The following UTP20 variants were observed in gnomAD, a reference collection of about 807,000 sequenced individuals.
UTP20 encodes the protein UTP20 small subunit processome component, also known as small subunit processome component 20 homolog.
UTP20 carries 164 observed loss-of-function variants against 329.5 expected under a neutral mutation model. The observed-to-expected ratio is 0.50, with a 90% CI of 0.44 to 0.57. The LOEUF is 0.57. Ranked by LOEUF, UTP20 falls within the 20% of genes least tolerant of loss-of-function variation. The probability of loss-of-function intolerance (pLI) is 0.00; values close to 1 mark genes in which losing one functional copy is unlikely to be tolerated. For missense variants in UTP20, 3,055 were observed against 3,284.2 expected (o/e 0.93, Z 1.71); for synonymous variants, 1,151 against 1,159.3 (o/e 0.99, Z 0.14).
In UTP20 at chr12:101,373,654, G is replaced by A; in HGVS notation, c.7018G>A (p.Ala2340Thr). ...LCLMTINDDSATCKKMASMTI... is the reference protein window; with the variant it reads ...LCLMTINDDSTTCKKMASMTI... Reference sequence around the variant, plus strand: ...TCTAATGACGATCAATGATGACTCTGCCACGTGCAAAAAGATGGCATCCAT... The same window carrying A: ...TCTAATGACGATCAATGATGACTCTACCACGTGCAAAAAGATGGCATCCAT... The change falls in exon 54 of 62, where the codon GCC (alanine) becomes ACC (threonine). Residue 2340 changes from alanine (A) to threonine (T), a missense_variant. Physicochemically the swap from Ala to Thr is moderately conservative, Grantham distance 58. Coordinates refer to ENST00000261637, the MANE Select transcript of UTP20 (RefSeq NM_014503.3). 1.2e-6 allele frequency: 2 copies of A among 1,613,118 alleles called. No homozygotes were observed. Among genetic ancestry groups the A allele is most frequent in the South Asian group, 2.2e-5 (2 of 90,716 alleles).
chr12:101,346,113 G>A (rs1034973494), intron 37 of UTP20, among the ~76,000 whole-genome samples: 1 of 151,818 alleles, frequency 6.6e-6, no homozygotes, highest in Non-Finnish European at 1.5e-5. Context: ...GTGCAATGGC[G>A]CAATCTCAGC....
rs1046384546 is a variant in UTP20, at chr12:101,329,110, G to A, written c.3209-131G>A. 30 of 788,870 alleles carry A rather than the reference G, an allele frequency of 3.8e-5. No homozygotes were observed. In the African/African-American group the frequency reaches 4.2e-4, roughly 11 times the overall value. 48.9% of individuals were successfully genotyped at this position (788,870 alleles called of 1,614,324 possible). A position where few individuals can be genotyped will look rare whatever the true frequency, so the allele number is the denominator to read the frequency against. ...AGATAATACATAAGAAAAGTGCATT[G>A]TCATCTATAAATTACCATGACAGTA... is the stretch of plus-strand genomic sequence containing the variant. On this transcript the variant is annotated intron_variant, in intron 26 of 61. Coordinates refer to ENST00000261637, the MANE Select transcript of UTP20 (RefSeq NM_014503.3).
At chr12:101,293,460 A>G (rs1872240127) in intron 11 of UTP20, among the ~76,000 whole-genome samples, 1 of 152,176 alleles carries the variant, frequency 6.6e-6, no homozygotes, top group African/African-American at 2.4e-5. Flanking sequence ...CGTGTGGTAA[A>G]ATTGAAAAAA....
rs1870844998 is a variant in UTP20 at position 101,386,608 on chromosome 12, A to G, written c.*485A>G. 6.6e-6 allele frequency: 1 copy of G among 152,286 alleles called. No individual in the cohort carries two copies. The highest frequency in any genetic ancestry group is 2.4e-5 in the African/African-American group (1 of 41,470). 9.4% of individuals were successfully genotyped at this position (152,286 alleles called of 1,614,324 possible). A position where few individuals can be genotyped will look rare whatever the true frequency, so the allele number is the denominator to read the frequency against. ...CTCATATTTTTTAAATAAATAAAAC[A>G]CTATACTACTGCTGGGTCTTCACTG... On this transcript the variant is annotated 3_prime_UTR_variant, in exon 62 of 62. Transcript: ENST00000261637.
intron 50 of UTP20, 38 bp downstream of exon 50, chr12:101,370,601 G>C: frequency 6.3e-7 from 1 of 1,592,080 alleles, no homozygotes; most frequent in Non-Finnish European, 8.6e-7. Flanking sequence ...TACGGTTTAT[G>C]AGTTTCACAG....
At chr12:101,293,988 T>G (rs533182310) in intron 11 of UTP20, among the ~76,000 whole-genome samples, 1 of 152,310 alleles carries the variant, frequency 6.6e-6, no homozygotes, top group South Asian at 2.1e-4. Flanking sequence ...GCTCCCATCT[T>G]ATTAGCAGCC....
At position 101,352,145 on chromosome 12, in the gene UTP20, T is replaced by C; in HGVS notation, c.4975T>C (p.Phe1659Leu). 1 of 1,613,866 alleles carries C rather than the reference T, an allele frequency of 6.2e-7. No individual in the cohort carries two copies. The highest frequency in any genetic ancestry group is 8.5e-7 in the Non-Finnish European group (1 of 1,179,958). ...AGCGTATATGTATTACTTGAAACAT[T>C]TCATTCATGTCTTACAAACGGGACA... ...WSAYMYYLKH[F>L]IHVLQTGQIN... The change falls in exon 39 of 62, where the codon TTC becomes CTC. Residue 1659 changes from phenylalanine (F) to leucine (L), a missense_variant. By Grantham distance (22) the Phe-to-Leu change is conservative. Around this residue, in one of 3 missense-constraint regions of UTP20, gnomAD observed 2,445 missense variants for 2,575.5 expected, o/e 0.95. Coordinates refer to ENST00000261637, the MANE Select transcript of UTP20 (RefSeq NM_014503.3).
intron 11 of UTP20, among the ~76,000 whole-genome samples, chr12:101,294,566 A>G (rs1167026515): frequency 2.9e-5 from 4 of 138,064 alleles, no homozygotes; most frequent in African/African-American, 8.4e-5. Flanking sequence ...TTGTCGAGAC[A>G]TAGTCTCACT....
intron 51 of UTP20, among the ~76,000 whole-genome samples, chr12:101,371,679 A>G (rs1223203256): frequency 1.3e-5 from 2 of 151,758 alleles, no homozygotes; most frequent in Non-Finnish European, 2.9e-5. Flanking sequence ...GACTACAGGC[A>G]TGCACCACCA....
At position 101,319,529 on chromosome 12, in the gene UTP20, TTTTG is replaced by T; in HGVS notation, c.2739-12_2739-9del. ...TTCTTTAATTCTGTAACACTCTCTG[TTTTG>T]TTTTTGTTTAGGCAATTAATTGCTC... On this transcript the variant is annotated splice_polypyrimidine_tract_variant and intron_variant, in intron 22 of 61. Coordinates refer to ENST00000261637, the MANE Select transcript of UTP20 (RefSeq NM_014503.3). 2 of 1,574,748 alleles carry T rather than the reference TTTTG, an allele frequency of 1.3e-6. No individual in the cohort carries two copies. Among genetic ancestry groups the T allele is most frequent in the Non-Finnish European group, 1.7e-6 (2 of 1,159,974 alleles).
intron 19 of UTP20, among the ~76,000 whole-genome samples, chr12:101,310,456 T>C (rs1000079954): frequency 6.6e-6 from 1 of 151,714 alleles, no homozygotes; most frequent in African/African-American, 2.4e-5. Flanking sequence ...ATTCCTGTAA[T>C]GCTAGCGACT....
At chr12:101,337,371 C>A (rs1868967400) in intron 29 of UTP20, among the ~76,000 whole-genome samples, 1 of 152,198 alleles carries the variant, frequency 6.6e-6, no homozygotes, top group Non-Finnish European at 1.5e-5. Context: ...TTCTGTTTGA[C>A]CTTCCTAGTA....
In UTP20 at chr12:101,299,986, G is replaced by A; in HGVS notation, c.1600G>A (p.Glu534Lys). Reference sequence around the variant, plus strand: ...CCCCTTGGACAGACCTCTTGAGAAAGAGAAGGTGATACCACTCGTCACCGG... The same window carrying A: ...CCCCTTGGACAGACCTCTTGAGAAAAAGAAGGTGATACCACTCGTCACCGG... ...VLPHIRPLEK[E>K]KVIPLVTGFI... The change falls in exon 14 of 62, where the codon GAG (glutamate) becomes AAG (lysine). Residue 534 changes from glutamate to lysine, a missense_variant. Coordinates refer to ENST00000261637, the MANE Select transcript of UTP20 (RefSeq NM_014503.3). 1 of 1,614,148 alleles carries A rather than the reference G, an allele frequency of 6.2e-7. No individual in the cohort carries two copies. The highest frequency in any genetic ancestry group is 1.7e-4 in the Middle Eastern group (1 of 6,060).
chr12:101,298,636 T>A (rs879454393), intron 12 of UTP20, among the ~76,000 whole-genome samples: 8 of 152,116 alleles, frequency 5.3e-5, no homozygotes, highest in Admixed American at 2.0e-4. Context: ...GGGAATGACG[T>A]GGCAACTAAT....
chr12:101,343,749 C>T (rs900941219), intron 35 of UTP20, among the ~76,000 whole-genome samples: 1 of 152,070 alleles, frequency 6.6e-6, no homozygotes, highest in Non-Finnish European at 1.5e-5. Flanking sequence ...TGACCTCAGG[C>T]GATCCGCCCA....
chr12:101,322,335 A>G (rs957611853), intron 25 of UTP20, among the ~76,000 whole-genome samples: 2 of 152,214 alleles, frequency 1.3e-5, no homozygotes, highest in African/African-American at 2.4e-5. Context: ...TGACAATAAT[A>G]TAATTAAATT....
intron 54 of UTP20, 106 bp downstream of exon 54, chr12:101,373,873 A>T (rs919764113): frequency 1.6e-6 from 2 of 1,274,994 alleles, no homozygotes. Context: ...TTTTTCCCAA[A>T]TAGTGTTATT....
chr12:101,332,419 T>G (rs1362534093), intron 27 of UTP20, among the ~76,000 whole-genome samples: 1 of 152,222 alleles, frequency 6.6e-6, no homozygotes. Context: ...AGATTTTCAG[T>G]TGAATTGAGG....
intron 2 of UTP20, among the ~76,000 whole-genome samples, chr12:101,282,713 A>G (rs1285322260): frequency 6.6e-6 from 1 of 152,212 alleles, no homozygotes; most frequent in East Asian, 1.9e-4. Context: ...TCATCATGTC[A>G]TGATTCCTCT....
Sources: allele counts gnomAD v4.1 joint callset (sites outside exome capture counted in the v4.1 genomes callset), GRCh38; gene constraint gnomAD v4.1.1; regional missense constraint gnomAD v4.1.1; transcripts MANE v1.5; gene names NCBI Gene and HGNC (gene_info 2026-07-23, HGNC 2026-07-21).